EI24: variants seen among roughly 807,000 people sequenced by gnomAD.
EI24 encodes etoposide-induced protein 2.4 homolog.
EI24 carries 21 observed loss-of-function variants against 48.6 expected under a neutral mutation model. That is an observed-to-expected ratio of 0.43 (90% confidence interval 0.31 to 0.62). The LOEUF (loss-of-function observed/expected upper bound fraction) is 0.62. Among genes scored for constraint, EI24 ranks in the 20% least tolerant of loss-of-function variants. The probability of loss-of-function intolerance (pLI) is 0.10; values close to 1 mark genes in which losing one functional copy is unlikely to be tolerated. For missense variants in EI24, 280 were observed against 410.5 expected, an observed-to-expected ratio of 0.68 and a Z score of 2.75; for synonymous variants, 114 against 145.5, an observed-to-expected ratio of 0.78 and a Z score of 1.56.
At position 125,583,897 on chromosome 11, in the gene EI24, G is replaced by C. The variant is rs553701433; in HGVS notation, c.*214G>C. The C allele has an allele frequency of 1.7e-6, 1 of 596,044 alleles. No individual in the cohort carries two copies. Among genetic ancestry groups the C allele is most frequent in the African/African-American group, 1.9e-5 (1 of 53,704 alleles). 36.9% of individuals were successfully genotyped at this position (596,044 alleles called of 1,614,324 possible). On this transcript the variant is annotated 3_prime_UTR_variant, in exon 11 of 11. Coordinates refer to ENST00000278903, the MANE Select transcript of EI24 (RefSeq NM_004879.5). ...GTGTGTGGATTTTTAACATCACCGT[G>C]AGTCTGAAAGGACCACAGGTTTTTC...
chr11:125,580,283 C>T (rs1938938877), intron 8 of EI24, 79 bp downstream of exon 8: 2 of 1,039,836 alleles, frequency 1.9e-6, no homozygotes, highest in Non-Finnish European at 3.0e-6. Flanking sequence ...TTAAACTACT[C>T]ATAGTCAGGC....
Position 125,576,316 on chromosome 11 carries a change from G to GT in EI24, c.249+2dup. On this transcript the variant is annotated splice_donor_variant, in intron 4 of 10. Coordinates refer to ENST00000278903, the MANE Select transcript of EI24 (RefSeq NM_004879.5). LOFTEE classifies it high-confidence loss of function. ...TGCTTGGAATGGTGGAGTGTTCTGG[G>GT]TAAGTTCTTTAAATTCCAGGTGCCT... The GT allele has an allele frequency of 6.2e-7, 1 of 1,613,580 alleles. No homozygotes were observed. Among genetic ancestry groups the GT allele is most frequent in the Non-Finnish European group, 8.5e-7 (1 of 1,179,700 alleles).
At chr11:125,570,834 C>A (rs887720946) in intron 1 of EI24, among the ~76,000 whole-genome samples, 3 of 152,154 alleles carry the variant, frequency 2.0e-5, no homozygotes, top group Non-Finnish European at 4.4e-5. Flanking sequence ...AAACTAGTGT[C>A]GTGCATATCA....
chr11:125,581,691 C>T (rs367904806), intron 9 of EI24, among the ~76,000 whole-genome samples: 18 of 151,208 alleles, frequency 1.2e-4, no homozygotes, highest in African/African-American at 3.6e-4. Flanking sequence ...GGATTACAGG[C>T]GCCCACCATC....
chr11:125,579,990 A>C, intron 7 of EI24, 103 bp from the exon 8 acceptor site: 1 of 923,904 alleles, frequency 1.1e-6, no homozygotes, highest in Non-Finnish European at 1.8e-6. Flanking sequence ...GAAACTTGAG[A>C]AGCAGCTAGG....
At chr11:125,577,784 GA>G in intron 5 of EI24, 1 of 561,488 alleles carries the variant, frequency 1.8e-6, no homozygotes, top group Non-Finnish European at 3.1e-6. Context: ...TATGAATGAG[GA>G]AATGCAAGTT....
In EI24 at chr11:125,569,487, C is replaced by T. The variant is rs979066667; in HGVS notation, c.-157C>T. The T allele has an allele frequency of 1.7e-4, 64 of 383,614 alleles. No individual in the cohort carries two copies. The East Asian group carries it at 2.4e-3, about 14-fold the overall frequency. 23.8% of individuals were successfully genotyped at this position (383,614 alleles called of 1,614,324 possible). ...GGCCCGGGCATGCCCAGTGCGGGCG[C>T]AGCGGCCCCGGCCCTGGAAGCGCCC... On this transcript the variant is annotated 5_prime_UTR_variant, in exon 1 of 11. Coordinates refer to ENST00000278903, the MANE Select transcript of EI24 (RefSeq NM_004879.5).
At chr11:125,572,677 TG>T (rs1325628706) in intron 2 of EI24, 108 bp downstream of exon 2, 1 of 1,059,712 alleles carries the variant, frequency 9.4e-7, no homozygotes, top group African/African-American at 1.6e-5. Flanking sequence ...TCATATTTCT[TG>T]GGTTCTTTAC....
intron 7 of EI24, among the ~76,000 whole-genome samples, chr11:125,579,796 A>T (rs1938915262): frequency 6.6e-6 from 1 of 152,118 alleles, no homozygotes; most frequent in African/African-American, 2.4e-5. Flanking sequence ...CCTCCTGAGT[A>T]GCTGGGACTA....
intron 10 of EI24, among the ~76,000 whole-genome samples, chr11:125,583,305 A>G (rs1326631261): frequency 6.6e-6 from 1 of 152,054 alleles, no homozygotes; most frequent in Non-Finnish European, 1.5e-5. Context: ...CAGCCTCCCA[A>G]AGTGCTGGGA....
intron 3 of EI24, 93 bp downstream of exon 3, chr11:125,575,501 C>T: frequency 1.5e-6 from 2 of 1,341,790 alleles, no homozygotes; most frequent in Non-Finnish European, 9.8e-7. Flanking sequence ...TTCTTTTGTG[C>T]TTTTTCCCAG....
chr11:125,570,208 G>C (rs910040988), intron 1 of EI24: 1 of 152,196 alleles, frequency 6.6e-6, no homozygotes, highest in Non-Finnish European at 1.5e-5. Flanking sequence ...TAGAACACCG[G>C]GTTCTGAGGT....
chr11:125,578,035 CAGG>C, intron 5 of EI24, 95 bp from the exon 6 acceptor site: 1 of 1,432,272 alleles, frequency 7.0e-7, no homozygotes, highest in Non-Finnish European at 9.7e-7. Context: ...TAGAAAGATC[CAGG>C]AGGAGACAGA....
At chr11:125,582,604 G>A (rs538655757) in intron 10 of EI24, among the ~76,000 whole-genome samples, 184 bp downstream of exon 10, 6 of 152,248 alleles carry the variant, frequency 3.9e-5, no homozygotes, top group Non-Finnish European at 8.8e-5. Flanking sequence ...ATATGCACAT[G>A]AGTATATATA....
chr11:125,569,844 G>C (rs1938469715), intron 1 of EI24: 1 of 223,124 alleles, frequency 4.5e-6, no homozygotes, highest in Non-Finnish European at 8.7e-6. Context: ...GTGCACAGTT[G>C]TGCCTAGGGA....
At chr11:125,572,596 C>A in intron 2 of EI24, 27 bp downstream of exon 2, 1 of 1,580,392 alleles carries the variant, frequency 6.3e-7, no homozygotes, top group Non-Finnish European at 8.7e-7. Context: ...TATAGGAATT[C>A]ATCTCTCGGC....
At chr11:125,579,122 T>A in intron 7 of EI24, 54 bp downstream of exon 7, 2 of 1,518,114 alleles carry the variant, frequency 1.3e-6, no homozygotes. Context: ...AAAAACTGTT[T>A]CACTAGAGAG....
chr11:125,582,488 G>C, intron 10 of EI24, 68 bp downstream of exon 10: 2 of 1,202,592 alleles, frequency 1.7e-6, no homozygotes, highest in African/African-American at 1.6e-5. Flanking sequence ...AGTTATGTCA[G>C]TGAGGCTTTT....
At chr11:125,569,671 G>T (rs1270035036) in intron 1 of EI24, 98 bp downstream of exon 1, 4 of 319,222 alleles carry the variant, frequency 1.3e-5, no homozygotes, top group Non-Finnish European at 2.3e-5. Flanking sequence ...AGCGTGGGTT[G>T]GTGGGGCTAC....
Sources: allele counts gnomAD v4.1 joint callset (sites outside exome capture counted in the v4.1 genomes callset), GRCh38; gene constraint gnomAD v4.1.1; transcripts MANE v1.5; gene names NCBI Gene and HGNC (gene_info 2026-07-23, HGNC 2026-07-21).